The following GPC5 variants were observed in gnomAD, a reference collection of about 807,000 sequenced individuals.
GPC5 encodes glypican-5.
GPC5 carries 47 observed loss-of-function variants against 53.9 expected under a neutral mutation model. The ratio of observed to expected loss-of-function variants is 0.87; its 90% CI spans 0.69 to 1.11. The LOEUF (loss-of-function observed/expected upper bound fraction) is 1.11, where lower values mean the gene tolerates loss of function less well. GPC5 is among the 50% of genes most tolerant of loss of function. GPC5 has a pLI of 0.00. For missense variants in GPC5, 748 were observed against 713.1 expected (o/e 1.05, Z -0.56); for synonymous variants, 286 against 263.3 (o/e 1.09, Z -0.84).
intron 6 of GPC5, among the ~76,000 whole-genome samples, chr13:91,970,521 G>A (rs1032994802): frequency 8.6e-5 from 13 of 151,930 alleles, no homozygotes; most frequent in African/African-American, 2.7e-4. Flanking sequence ...TCATTTCACA[G>A]TATATACATC....
intron 7 of GPC5, among the ~76,000 whole-genome samples, chr13:92,809,204 C>A (rs942784498): frequency 6.6e-6 from 1 of 152,102 alleles, no homozygotes; most frequent in African/African-American, 2.4e-5. Flanking sequence ...GCTGTGGTCA[C>A]ACAGCATAAC....
At chr13:92,774,221 A>T (rs1686275164) in intron 7 of GPC5, among the ~76,000 whole-genome samples, 1 of 152,230 alleles carries the variant, frequency 6.6e-6, no homozygotes, top group African/African-American at 2.4e-5. Flanking sequence ...AACTTTTTCC[A>T]GCCATATCTT....
Position 91,434,195 on chromosome 13 carries a change from C to G in GPC5, c.164-14566C>G, listed in dbSNP as rs946068765. Among the ~76,000 whole-genome samples the G allele has an allele frequency of 3.3e-5, 5 of 152,292 alleles. No homozygotes were observed. In the East Asian group the frequency reaches 5.8e-4, roughly 18 times the overall value. ...TAGTTTCTTTTGCTGTGCAGAAACTCTTTAGTTTAATTAGATCCCATTTGT... is the reference window on the plus strand; with the variant it reads ...TAGTTTCTTTTGCTGTGCAGAAACTGTTTAGTTTAATTAGATCCCATTTGT... On this transcript the variant is annotated intron_variant, in intron 1 of 7. Coordinates refer to ENST00000377067, the MANE Select transcript of GPC5 (RefSeq NM_004466.6).
chr13:91,995,615 C>T (rs1333812235), intron 6 of GPC5: 2 of 152,040 alleles, frequency 1.3e-5, no homozygotes, highest in African/African-American at 2.4e-5. Context: ...AATAATGCCT[C>T]GAATATAGTA....
chr13:91,493,623 C>A (rs1201235997), intron 2 of GPC5, among the ~76,000 whole-genome samples: 1 of 152,038 alleles, frequency 6.6e-6, no homozygotes, highest in African/African-American at 2.4e-5. Flanking sequence ...AAATAAAAAA[C>A]CAACTCGCAA....
At chr13:92,115,940 T>C (rs1002739862) in intron 6 of GPC5, among the ~76,000 whole-genome samples, 4 of 152,214 alleles carry the variant, frequency 2.6e-5, no homozygotes, top group Admixed American at 2.0e-4. Context: ...TAATCCTATA[T>C]GTCTTGTGTT....
intron 7 of GPC5, among the ~76,000 whole-genome samples, chr13:92,346,416 A>G (rs903497717): frequency 6.6e-6 from 1 of 152,208 alleles, no homozygotes; most frequent in African/African-American, 2.4e-5. Context: ...TCTGGATGGC[A>G]GAACTCAGCT....
chr13:91,880,781 G>A (rs2039255590), intron 5 of GPC5, among the ~76,000 whole-genome samples: 1 of 151,924 alleles, frequency 6.6e-6, no homozygotes, highest in Admixed American at 6.6e-5. Flanking sequence ...TTTTTTGTTT[G>A]TTTGGGGTTT....
At chr13:91,883,271 C>A (rs1222809811) in intron 5 of GPC5, among the ~76,000 whole-genome samples, 3 of 152,120 alleles carry the variant, frequency 2.0e-5, no homozygotes, top group African/African-American at 7.2e-5. Context: ...TCCAAGGGAA[C>A]CAGGTGGAAA....
At chr13:91,558,561 C>T (rs1431558495) in intron 2 of GPC5, among the ~76,000 whole-genome samples, 3 of 152,080 alleles carry the variant, frequency 2.0e-5, no homozygotes, top group South Asian at 4.2e-4. Context: ...GTGTGATCCT[C>T]TGTGCTTGCT....
intron 5 of GPC5, among the ~76,000 whole-genome samples, chr13:91,821,511 T>C (rs2038495191): frequency 6.6e-6 from 1 of 152,232 alleles, no homozygotes; most frequent in Non-Finnish European, 1.5e-5. Flanking sequence ...TTTCTTCTGA[T>C]AATGATTCTA....
At chr13:91,716,162 T>C (rs1250503852) in intron 3 of GPC5, among the ~76,000 whole-genome samples, 6 of 152,176 alleles carry the variant, frequency 3.9e-5, no homozygotes, top group Admixed American at 2.0e-4. Flanking sequence ...TGAAGAATGA[T>C]GGGCATTAGT....
At chr13:92,145,670 A>C (rs1180587207) in intron 7 of GPC5, among the ~76,000 whole-genome samples, 1 of 152,180 alleles carries the variant, frequency 6.6e-6, no homozygotes, top group Non-Finnish European at 1.5e-5. Flanking sequence ...ATCTGCATGC[A>C]TTTGTTCATA....
chr13:91,978,105 T>C (rs2040323848), intron 6 of GPC5, among the ~76,000 whole-genome samples: 1 of 152,142 alleles, frequency 6.6e-6, no homozygotes, highest in Non-Finnish European at 1.5e-5. Flanking sequence ...CAGTAAGCCA[T>C]GAGCCATGAT....
intron 6 of GPC5, among the ~76,000 whole-genome samples, chr13:91,933,288 T>G (rs2039838878): frequency 6.6e-6 from 1 of 151,956 alleles, no homozygotes; most frequent in Admixed American, 6.6e-5. Flanking sequence ...ATTCCTACTG[T>G]TGTTTTAACA....
intron 6 of GPC5, among the ~76,000 whole-genome samples, chr13:92,041,147 C>T (rs192852433): frequency 5.9e-5 from 9 of 152,284 alleles, no homozygotes; most frequent in Admixed American, 1.3e-4. Flanking sequence ...CCACCACACC[C>T]GACTTTAACT....
At chr13:92,112,307 A>C (rs892654075) in intron 6 of GPC5, among the ~76,000 whole-genome samples, 2 of 152,116 alleles carry the variant, frequency 1.3e-5, no homozygotes, top group Non-Finnish European at 2.9e-5. Flanking sequence ...AAAAAATAAA[A>C]ATATACCAGA....
chr13:92,149,323 T>G (rs1351958555), intron 7 of GPC5, among the ~76,000 whole-genome samples: 1 of 152,066 alleles, frequency 6.6e-6, no homozygotes, highest in Non-Finnish European at 1.5e-5. Flanking sequence ...ACTATCCAGT[T>G]CATAAAGCAT....
At chr13:92,116,820 T>C (rs1032702676) in intron 6 of GPC5, among the ~76,000 whole-genome samples, 1 of 152,260 alleles carries the variant, frequency 6.6e-6, no homozygotes. Context: ...AGCATCTTTG[T>C]TGTGTGCTTA....
Sources: gnomAD v4.1 joint callset for allele counts (sites outside exome capture counted in the v4.1 genomes callset) on GRCh38, gnomAD v4.1.1 for gene constraint, MANE v1.5 for transcripts, NCBI Gene and HGNC (gene_info 2026-07-23, HGNC 2026-07-21) for gene names.